The following EYA1 variants were observed in gnomAD, a reference collection of about 807,000 sequenced individuals.
EYA1 encodes EYA transcriptional coactivator and phosphatase 1.
A neutral mutation model predicts 82.0 loss-of-function variants in EYA1; 16 were observed. The ratio of observed to expected loss-of-function variants is 0.20; its 90% CI spans 0.13 to 0.30. EYA1 has a LOEUF of 0.30. Ranked by LOEUF, EYA1 falls within the 10% of genes least tolerant of loss-of-function variation. The pLI, the probability that EYA1 is intolerant of heterozygous loss-of-function variation, is 1.00. For synonymous variants in EYA1, 261 were observed against 264.4 expected (o/e 0.99, Z 0.12); for missense variants, 633 against 730.7 (o/e 0.87, Z 1.54).
chr8:71,375,996 G>A (rs1490518164), intron 2 of EYA1, among the ~76,000 whole-genome samples: 5 of 152,098 alleles, frequency 3.3e-5, no homozygotes, highest in Admixed American at 3.3e-4. Flanking sequence ...AAATATAAAA[G>A]TAGACAGTTT....
chr8:71,252,550 T>A (rs1001579981), intron 11 of EYA1, among the ~76,000 whole-genome samples: 1 of 152,068 alleles, frequency 6.6e-6, no homozygotes, highest in Non-Finnish European at 1.5e-5. Context: ...TAAAGCTAAT[T>A]TAGGTGGAAG....
chr8:71,349,563 T>C (rs1826101367), intron 3 of EYA1, among the ~76,000 whole-genome samples: 1 of 152,222 alleles, frequency 6.6e-6, no homozygotes, highest in Admixed American at 6.5e-5. Context: ...TTTTTGTGCA[T>C]AAAATGGGAA....
intron 1 of EYA1, among the ~76,000 whole-genome samples, chr8:71,538,937 CACTT>C (rs1586910608): frequency 6.6e-6 from 1 of 152,140 alleles, no homozygotes; most frequent in South Asian, 2.1e-4. Context: ...GTTAATCACT[CACTT>C]GTGCATCTAC....
intron 4 of EYA1, among the ~76,000 whole-genome samples, chr8:71,332,502 T>G (rs41429851): frequency 0.01 from 1,576 of 152,278 alleles, 35 homozygotes; most frequent in African/African-American, 0.036. Context: ...GTAAATGAAA[T>G]GCACCAAATC....
At chr8:71,346,118 T>C (rs556435268) in intron 3 of EYA1, among the ~76,000 whole-genome samples, 9 of 152,028 alleles carry the variant, frequency 5.9e-5, no homozygotes, top group East Asian at 1.9e-4. Flanking sequence ...CACTCAATAT[T>C]CTCCTACCTC....
intron 2 of EYA1, chr8:71,531,238 T>A (rs943776009): frequency 1.3e-5 from 2 of 151,816 alleles, no homozygotes; most frequent in Non-Finnish European, 2.9e-5. Flanking sequence ...TCAAAGAACA[T>A]TTGAATCCAT....
chr8:71,414,237 G>C (rs183675874), intron 2 of EYA1, among the ~76,000 whole-genome samples: 8 of 152,278 alleles, frequency 5.3e-5, no homozygotes, highest in Admixed American at 5.2e-4. Flanking sequence ...TTCCTAAGGA[G>C]AGCTGACAGC....
chr8:71,336,039 A>G (rs937973990), intron 3 of EYA1, among the ~76,000 whole-genome samples: 2 of 151,762 alleles, frequency 1.3e-5, no homozygotes, highest in Non-Finnish European at 2.9e-5. Flanking sequence ...AATAGTTCTC[A>G]GAATAGACAA....
chr8:71,524,143 A>G (rs1225583933), intron 2 of EYA1, among the ~76,000 whole-genome samples: 1 of 152,236 alleles, frequency 6.6e-6, no homozygotes, highest in Non-Finnish European at 1.5e-5. Context: ...TGGTCAATGC[A>G]GGCATACTAA....
chr8:71,473,781 C>G (rs1481749276), intron 2 of EYA1, among the ~76,000 whole-genome samples: 2 of 152,114 alleles, frequency 1.3e-5, no homozygotes, highest in African/African-American at 4.8e-5. Flanking sequence ...TTCACAATAG[C>G]AAAGACTTGG....
chr8:71,303,402 A>G lies in EYA1; in HGVS notation c.557-3682T>C, dbSNP rs1357856653. 1.4e-5 allele frequency among the ~76,000 whole-genome samples: 2 copies of G among 142,526 alleles called. 1 individual carries two copies. Among genetic ancestry groups the G allele is most frequent in the Non-Finnish European group, 3.2e-5 (2 of 62,752 alleles). The allele number at this position is 142,526 out of a possible 152,430, so 93.5% of individuals were successfully genotyped here. ...ATTGACCTGTAAACTAACAAATACT[A>G]ATTATATGTAAACTAGTCCTTCCCC... On this transcript the variant is annotated intron_variant, in intron 7 of 17. Coordinates refer to ENST00000340726, the MANE Select transcript of EYA1 (RefSeq NM_000503.6).
chr8:71,207,779 A>G (rs1306114865), intron 17 of EYA1, among the ~76,000 whole-genome samples: 4 of 149,972 alleles, frequency 2.7e-5, no homozygotes, highest in African/African-American at 9.7e-5. Context: ...GTTTATTATC[A>G]GAGTGATCTA....
At chr8:71,286,893 C>T in intron 9 of EYA1, among the ~76,000 whole-genome samples, 1 of 149,354 alleles carries the variant, frequency 6.7e-6, no homozygotes, top group African/African-American at 2.5e-5. Flanking sequence ...ACCTCTGCCT[C>T]CTGGGTTCAG....
chr8:71,531,541 A>G (rs1814278822), intron 2 of EYA1, among the ~76,000 whole-genome samples: 1 of 152,232 alleles, frequency 6.6e-6, no homozygotes, highest in Non-Finnish European at 1.5e-5. Context: ...TCACTTTTAA[A>G]AAAGTGAGTA....
At chr8:71,508,201 T>A in intron 2 of EYA1, among the ~76,000 whole-genome samples, 1 of 152,196 alleles carries the variant, frequency 6.6e-6, no homozygotes, top group East Asian at 1.9e-4. Flanking sequence ...CTATCCATGC[T>A]CTTTCTGAGG....
intron 2 of EYA1, among the ~76,000 whole-genome samples, chr8:71,476,227 A>T (rs2129206669): frequency 6.6e-6 from 1 of 152,308 alleles, no homozygotes; most frequent in Non-Finnish European, 1.5e-5. Context: ...AAAATTTTAC[A>T]AAATTCAATT....
intron 2 of EYA1, among the ~76,000 whole-genome samples, chr8:71,463,634 C>CT (rs1563640282): frequency 9.8e-5 from 11 of 111,814 alleles, no homozygotes; most frequent in East Asian, 6.1e-4. Context: ...TCTCTCTCTC[C>CT]CTCCCTCCCC....
intron 1 of EYA1, among the ~76,000 whole-genome samples, chr8:71,545,919 C>T (rs1815528417): frequency 6.6e-6 from 1 of 152,168 alleles, no homozygotes; most frequent in Admixed American, 6.5e-5. Context: ...TTCACAAATT[C>T]CAAATGGTGA....
rs150166119 is a variant in EYA1 at position 71,273,892 on chromosome 8, C to T, written c.827-1995G>A. Among the ~76,000 whole-genome samples the T allele has an allele frequency of 4.6e-5, 7 of 152,298 alleles. No homozygotes were observed. In the East Asian group the frequency reaches 9.7e-4, roughly 21 times the overall value. On this transcript the variant is annotated intron_variant, in intron 9 of 17. Transcript: ENST00000340726. The stretch of plus-strand genomic sequence containing the variant: ...TGACTTACCGACAGTATAATTTTGT[C>T]GTAAAAGTCGTTTATCTTTCCTAGA...
Sources: gnomAD v4.1 joint callset for allele counts (sites outside exome capture counted in the v4.1 genomes callset) on GRCh38, gnomAD v4.1.1 for gene constraint, MANE v1.5 for transcripts, NCBI Gene and HGNC (gene_info 2026-07-23, HGNC 2026-07-21) for gene names.